COPS6: variants seen among roughly 807,000 people sequenced by gnomAD.
COPS6 encodes the protein COP9 signalosome subunit 6.
COPS6 carries 9 observed loss-of-function variants against 41.0 expected under a neutral mutation model. That is an observed-to-expected ratio of 0.22 (90% CI 0.13 to 0.38). The LOEUF (loss-of-function observed/expected upper bound fraction) is 0.38. Among genes scored for constraint, COPS6 ranks in the 10% least tolerant of loss-of-function variants. The pLI is 1.00. For synonymous variants in COPS6, 179 were observed against 162.9 expected, an observed-to-expected ratio of 1.10 and a Z score of -0.75; for missense variants, 302 against 436.7, an observed-to-expected ratio of 0.69 and a Z score of 2.75.
intron 1 of COPS6, 83 bp downstream of exon 1, chr7:100,089,149 G>A (rs1795275910): frequency 1.3e-6 from 2 of 1,490,426 alleles, no homozygotes; most frequent in Non-Finnish European, 1.8e-6. Context: ...GAGAAGGGAG[G>A]AGGGCGGAGC....
chr7:100,091,323 T>C lies in COPS6; in HGVS notation c.735T>C (p.Ser245=). The C allele has an allele frequency of 1.2e-6, 2 of 1,614,218 alleles. No individual in the cohort carries two copies. The highest frequency in any genetic ancestry group is 1.7e-6 in the Non-Finnish European group (2 of 1,180,030). ...VKLILEYVKA[S]EAGEVPFNHE... is the part of the protein sequence containing the mutation. ...TCATCTTGGAGTACGTCAAGGCCTCTGAAGCGGGTAGGACAGGGGCTTCCC... is the reference window on the plus strand; with the variant it reads ...TCATCTTGGAGTACGTCAAGGCCTCCGAAGCGGGTAGGACAGGGGCTTCCC... Residue 245 remains serine, a synonymous_variant, in exon 8 of 10, where the codon TCT becomes TCC. Coordinates refer to ENST00000303904, the MANE Select transcript of COPS6 (RefSeq NM_006833.5). This position sits in a 1 kb window ranked among gnomAD's most constrained non-coding sequence, Gnocchi z 4.1.
Position 100,088,992 on chromosome 7 carries a change from T to TGGCGGCGGCGGC in COPS6, c.12_23dup (p.Ala7_Ala10dup), listed in dbSNP as rs571882095. On this transcript the variant is annotated inframe_insertion, in exon 1 of 10. Transcript: ENST00000303904. ...CCGAGGCTGGCGGGCGCGGGGAAAA[T>TGGCGGCGGCGGC]GGCGGCGGCGGCGGCGGCGGCTGCA... 1.8e-5 allele frequency: 24 copies of TGGCGGCGGCGGC among 1,309,466 alleles called. No individual in the cohort carries two copies. The highest frequency in any genetic ancestry group is 1.2e-4 in the East Asian group (4 of 32,288). 81.1% of individuals were successfully genotyped at this position (1,309,466 alleles called of 1,614,324 possible). A position where few individuals can be genotyped will look rare whatever the true frequency, so the allele number is the denominator to read the frequency against.
In COPS6 at chr7:100,089,366, C is replaced by T; in HGVS notation, c.153C>T (p.Ile51=). ...VALHPLVILN[I]SDHWIRMRSQ... ...TCCATCCCCTTGTCATTCTCAACAT[C>T]TCAGACCACTGGATCCGCATGCGCT... Residue 51 remains isoleucine, a synonymous_variant, in exon 2 of 10, where the codon ATC becomes ATT. Transcript: ENST00000303904. 6.2e-7 allele frequency: 1 copy of T among 1,614,126 alleles called. No individual in the cohort carries two copies.
Position 100,091,610 on chromosome 7 carries a change from A to C in COPS6, c.844-39A>C. On this transcript the variant is annotated intron_variant, in intron 9 of 9. Coordinates refer to ENST00000303904, the MANE Select transcript of COPS6 (RefSeq NM_006833.5). The surrounding 1 kb of genome is among the most constrained non-coding windows in gnomAD (Gnocchi z 4.1). Reference sequence around the variant, plus strand: ...ACTGTTGTTCCCCGGGCATGCCACGAGGGATCCCGAGGAACTGGTCCTTTC... The same window carrying C: ...ACTGTTGTTCCCCGGGCATGCCACGCGGGATCCCGAGGAACTGGTCCTTTC... The C allele has an allele frequency of 6.2e-7, 1 of 1,613,922 alleles. No individual in the cohort carries two copies. The highest frequency in any genetic ancestry group is 1.1e-5 in the South Asian group (1 of 91,084).
At chr7:100,090,985 T>C (rs1562888865) in intron 6 of COPS6, 36 bp downstream of exon 6, 1 of 1,614,014 alleles carries the variant, frequency 6.2e-7, no homozygotes, top group African/African-American at 1.3e-5. Flanking sequence ...GATCCTGCTC[T>C]TGGCCTCTTT....
rs766467408 is a variant in COPS6 at position 100,089,271 on chromosome 7, C to T, written c.77-19C>T. The T allele has an allele frequency of 1.2e-6, 2 of 1,609,592 alleles. No homozygotes were observed. Among genetic ancestry groups the T allele is most frequent in the African/African-American group, 1.3e-5 (1 of 74,730 alleles). On this transcript the variant is annotated intron_variant, in intron 1 of 9. Coordinates refer to ENST00000303904, the MANE Select transcript of COPS6 (RefSeq NM_006833.5). ...TGGGGCCCGGACTCTCACCCTCTCT[C>T]CTTTCCCTCCACCCTTAGTAGTCCC...
At chr7:100,089,147 A>C in intron 1 of COPS6, 81 bp downstream of exon 1, 1 of 1,486,718 alleles carries the variant, frequency 6.7e-7, no homozygotes, top group Middle Eastern at 1.8e-4. Context: ...GGGAGAAGGG[A>C]GGAGGGCGGA....
rs1421744921 is a variant in COPS6, at chr7:100,091,369, C to T, written c.742+39C>T. On this transcript the variant is annotated intron_variant, in intron 8 of 9. Transcript: ENST00000303904. The surrounding 1 kb of genome is among the most constrained non-coding windows in gnomAD (Gnocchi z 4.1). Reference sequence around the variant, plus strand: ...TTCCCTGGCATTCTTCCTCTCCCTCCTGGGGAAGTGACAGCATCCAAACTA... The same window carrying T: ...TTCCCTGGCATTCTTCCTCTCCCTCTTGGGGAAGTGACAGCATCCAAACTA... The T allele has an allele frequency of 5.0e-6, 8 of 1,612,970 alleles. No homozygotes were observed. The South Asian group carries it at 6.6e-5, about 13-fold the overall frequency.
At chr7:100,089,481 C>T (rs564221516) in intron 2 of COPS6, 66 bp downstream of exon 2, 2 of 1,609,148 alleles carry the variant, frequency 1.2e-6, no homozygotes, top group South Asian at 1.1e-5. Context: ...TGGTCTTTTC[C>T]CCTTCCTCTA....
Position 100,091,888 on chromosome 7 carries a change from G to C in COPS6, c.*99G>C. On this transcript the variant is annotated 3_prime_UTR_variant, in exon 10 of 10. Transcript: ENST00000303904. The surrounding 1 kb of genome is among the most constrained non-coding windows in gnomAD (Gnocchi z 4.1). ...GAGAAACCGCTGTCATTAATAAAAG[G>C]GGAGCAGCCCCTGAGCACCCCTGCT... is the stretch of plus-strand genomic sequence containing the variant. The C allele has an allele frequency of 6.6e-7, 1 of 1,515,924 alleles. No homozygotes were observed. Among genetic ancestry groups the C allele is most frequent in the Non-Finnish European group, 9.0e-7 (1 of 1,108,758 alleles). The allele number at this position is 1,515,924 out of a possible 1,614,324, so 93.9% of individuals were successfully genotyped here. A position where few individuals can be genotyped will look rare whatever the true frequency, so the allele number is the denominator to read the frequency against.
rs1407403757 is a variant in COPS6, at chr7:100,092,046, A to T, written c.*257A>T. ...AGGCACTACCATTTGAAGTGACCCC[A>T]TGTCAGTCACATGGACTGGTCTTTA... On this transcript the variant is annotated 3_prime_UTR_variant, in exon 10 of 10. Transcript: ENST00000303904. 2 of 519,204 alleles carry T rather than the reference A, an allele frequency of 3.9e-6. No individual in the cohort carries two copies. The highest frequency in any genetic ancestry group is 3.4e-5 in the East Asian group (1 of 29,226). The allele number at this position is 519,204 out of a possible 1,614,324, so 32.2% of individuals were successfully genotyped here.
At position 100,089,080 on chromosome 7, in the gene COPS6, C is replaced by T; in HGVS notation, c.76+14C>T. 7.1e-7 allele frequency: 1 copy of T among 1,417,810 alleles called. No individual in the cohort carries two copies. The allele number at this position is 1,417,810 out of a possible 1,614,324, so 87.8% of individuals were successfully genotyped here. ...TGGATGCAGCAGGTAACGGGCCGTG[C>T]GGGGGTGGCTTCCGGAGACCTCCTT... On this transcript the variant is annotated intron_variant, in intron 1 of 9. Transcript: ENST00000303904.
At position 100,089,604 on chromosome 7, in the gene COPS6, C is replaced by T. The variant is rs2116535272; in HGVS notation, c.203-11C>T. ...TTACCCTCACCTTTTCCATGTCATTCTCTTTCCCAGTGATTGGGGCTCTGA... is the reference window on the plus strand; with the variant it reads ...TTACCCTCACCTTTTCCATGTCATTTTCTTTCCCAGTGATTGGGGCTCTGA... On this transcript the variant is annotated splice_polypyrimidine_tract_variant and intron_variant, in intron 2 of 9. Transcript: ENST00000303904. 2 of 1,611,096 alleles carry T rather than the reference C, an allele frequency of 1.2e-6. No homozygotes were observed. Among genetic ancestry groups the T allele is most frequent in the South Asian group, 1.1e-5 (1 of 90,728 alleles).
chr7:100,090,491 T>A lies in COPS6; in HGVS notation c.423+4T>A. On this transcript the variant is annotated splice_donor_region_variant and intron_variant, in intron 4 of 9. Transcript: ENST00000303904. ...GGACATCCACGTCCATAAGCAGGTATGCATGCTCACACCTGTGCATGCTGG... is the reference window on the plus strand; with the variant it reads ...GGACATCCACGTCCATAAGCAGGTAAGCATGCTCACACCTGTGCATGCTGG... The A allele has an allele frequency of 1.2e-6, 2 of 1,613,652 alleles. No homozygotes were observed. The highest frequency in any genetic ancestry group is 1.7e-6 in the Non-Finnish European group (2 of 1,179,586).
rs749963870 is a variant in COPS6, at chr7:100,091,316, A to C, written c.728A>C (p.Lys243Thr). ...SRVKLILEYV[K>T]ASEAGEVPFN... ...GTCAAGCTCATCTTGGAGTACGTCA[A>C]GGCCTCTGAAGCGGGTAGGACAGGG... Residue 243 changes from lysine to threonine, a missense_variant, in exon 8 of 10, where the codon AAG (lysine) becomes ACG (threonine). Around this residue, in one of 3 missense-constraint regions of COPS6, gnomAD observed 222 missense variants for 309.0 expected, o/e 0.72. Transcript: ENST00000303904. This position sits in a 1 kb window ranked among gnomAD's most constrained non-coding sequence, Gnocchi z 4.1. 1.2e-6 allele frequency: 2 copies of C among 1,614,086 alleles called. No individual in the cohort carries two copies. Among genetic ancestry groups the C allele is most frequent in the African/African-American group, 2.7e-5 (2 of 74,938 alleles).
rs758776888 is a variant in COPS6, at chr7:100,091,034, G to A, written c.535-4G>A. The A allele has an allele frequency of 2.4e-5, 39 of 1,614,090 alleles. No homozygotes were observed. The Admixed American group carries it at 4.0e-4, about 17-fold the overall frequency. On this transcript the variant is annotated splice_polypyrimidine_tract_variant and splice_region_variant and intron_variant, in intron 6 of 9. Transcript: ENST00000303904. The surrounding 1 kb of genome is among the most constrained non-coding windows in gnomAD (Gnocchi z 4.1). Reference sequence around the variant, plus strand: ...CTCCCTTTGTGGGTTACCTTGCCCTGTAGGCCACAATGCTGTTTGCTGAGC... The same window carrying A: ...CTCCCTTTGTGGGTTACCTTGCCCTATAGGCCACAATGCTGTTTGCTGAGC...
At position 100,092,126 on chromosome 7, in the gene COPS6, T is replaced by G. The variant is rs994102452; in HGVS notation, c.*337T>G. On this transcript the variant is annotated 3_prime_UTR_variant, in exon 10 of 10. Coordinates refer to ENST00000303904, the MANE Select transcript of COPS6 (RefSeq NM_006833.5). ...AAGTGGTCTCTGTTCTACACTTTAA[T>G]GTCACCCTCTACATCATCTTACCTA... 7.0e-6 allele frequency: 2 copies of G among 287,418 alleles called. No individual in the cohort carries two copies. Among genetic ancestry groups the G allele is most frequent in the Non-Finnish European group, 1.3e-5 (2 of 152,360 alleles). The allele number at this position is 287,418 out of a possible 1,614,324, so 17.8% of individuals were successfully genotyped here. A position where few individuals can be genotyped will look rare whatever the true frequency, so the allele number is the denominator to read the frequency against.
Position 100,092,177 on chromosome 7 carries a change from A to C in COPS6, c.*388A>C, listed in dbSNP as rs1795343887. The C allele has an allele frequency of 1.6e-5, 3 of 186,066 alleles. No individual in the cohort carries two copies. The highest frequency in any genetic ancestry group is 7.1e-5 in the African/African-American group (3 of 42,384). The allele number at this position is 186,066 out of a possible 1,614,324, so 11.5% of individuals were successfully genotyped here. A position where few individuals can be genotyped will look rare whatever the true frequency, so the allele number is the denominator to read the frequency against. On this transcript the variant is annotated 3_prime_UTR_variant, in exon 10 of 10. Transcript: ENST00000303904. ...GCCCACCCAACCTTATAAACATGATAATTGACTACTTTCCTGAGCTAAATT... is the reference window on the plus strand; with the variant it reads ...GCCCACCCAACCTTATAAACATGATCATTGACTACTTTCCTGAGCTAAATT...
At chr7:100,089,564 GTCATAGAAGTTTCTT>G in intron 2 of COPS6, 36 bp from the exon 3 acceptor site, 1 of 1,603,756 alleles carries the variant, frequency 6.2e-7, no homozygotes, top group Non-Finnish European at 8.5e-7. Flanking sequence ...AGACCCTCAG[GTCATAGAAGTTTCTT>G]TACCCTCACC....
Sources: gnomAD v4.1 joint callset for allele counts on GRCh38, gnomAD v4.1.1 for gene constraint, gnomAD v4.1.1 regional missense constraint, Gnocchi (gnomAD v3.1) non-coding constraint, MANE v1.5 for transcripts, NCBI Gene and HGNC (gene_info 2026-07-23, HGNC 2026-07-21) for gene names.